Variants in PPP2R5E observed in about 807,000 individuals in gnomAD.
PPP2R5E encodes the protein serine/threonine-protein phosphatase 2A 56 kDa regulatory subunit epsilon isoform.
Under a neutral mutation model 65.3 loss-of-function variants are expected in PPP2R5E, and 4 were observed. That is an observed-to-expected ratio of 0.06 (90% CI 0.03 to 0.14). PPP2R5E has a LOEUF of 0.14. Ranked by LOEUF, PPP2R5E falls within the 10% of genes least tolerant of loss-of-function variation. The pLI is 1.00. For synonymous variants in PPP2R5E, 183 were observed against 187.4 expected, an observed-to-expected ratio of 0.98 and a Z score of 0.19; for missense variants, 274 against 556.1, an observed-to-expected ratio of 0.49 and a Z score of 5.10.
At chr14:63,503,285 T>C (rs953978359) in intron 2 of PPP2R5E, among the ~76,000 whole-genome samples, 2 of 151,992 alleles carry the variant, frequency 1.3e-5, no homozygotes, top group Non-Finnish European at 2.9e-5. Context: ...CGAATTTCCA[T>C]CTTAGGAGGA....
chr14:63,470,521 C>G (rs1350712160), intron 2 of PPP2R5E, among the ~76,000 whole-genome samples: 1 of 150,564 alleles, frequency 6.6e-6, no homozygotes, highest in Middle Eastern at 3.5e-3. Flanking sequence ...ATCCTGTCTA[C>G]TAAAGGGTTA....
intron 3 of PPP2R5E, among the ~76,000 whole-genome samples, chr14:63,440,496 G>C (rs1014681287): frequency 6.6e-6 from 1 of 151,886 alleles, no homozygotes; most frequent in Non-Finnish European, 1.5e-5. Context: ...ATACAGGGAA[G>C]GGCTTAAATC....
intron 2 of PPP2R5E, among the ~76,000 whole-genome samples, chr14:63,488,456 G>A (rs1437016349): frequency 1.3e-5 from 2 of 151,954 alleles, no homozygotes; most frequent in African/African-American, 4.8e-5. Flanking sequence ...TCCCACTTTG[G>A]CCTCCCAAAG....
chr14:63,489,216 T>G (rs967579659), intron 2 of PPP2R5E, among the ~76,000 whole-genome samples: 1 of 152,008 alleles, frequency 6.6e-6, no homozygotes, highest in African/African-American at 2.4e-5. Flanking sequence ...AAAAATAGTA[T>G]AGGCTCACCA....
At chr14:63,491,405 T>C (rs1891279280) in intron 2 of PPP2R5E, among the ~76,000 whole-genome samples, 1 of 152,104 alleles carries the variant, frequency 6.6e-6, no homozygotes, top group African/African-American at 2.4e-5. Context: ...GACCAGTCCT[T>C]ATTGAGATAT....
intron 11 of PPP2R5E, among the ~76,000 whole-genome samples, chr14:63,388,052 A>C (rs3825649): frequency 0.15 from 22,973 of 151,906 alleles, 2,435 homozygotes; most frequent in East Asian, 0.48. Context: ...CCAAGCTGAC[A>C]AAGACATGGC....
chr14:63,472,226 G>A (rs1352877249), intron 2 of PPP2R5E, among the ~76,000 whole-genome samples: 1 of 152,188 alleles, frequency 6.6e-6, no homozygotes, highest in Non-Finnish European at 1.5e-5. Context: ...GCTGAACCCA[G>A]GAGGCGGAGG....
At chr14:63,520,604 C>A (rs1291747595) in intron 2 of PPP2R5E, among the ~76,000 whole-genome samples, 3 of 152,092 alleles carry the variant, frequency 2.0e-5, no homozygotes, top group Non-Finnish European at 2.9e-5. Flanking sequence ...ATGGACTGAA[C>A]TGCATAGCCC....
chr14:63,466,249 TA>T (rs56726365), intron 2 of PPP2R5E, among the ~76,000 whole-genome samples: 300 of 93,018 alleles, frequency 3.2e-3, no homozygotes, highest in East Asian at 9.2e-3. Context: ...TCATGAAACT[TA>T]AAAAAAAAAA....
intron 11 of PPP2R5E, among the ~76,000 whole-genome samples, chr14:63,386,339 C>T (rs938532179): frequency 2.2e-4 from 33 of 152,178 alleles, no homozygotes; most frequent in Admixed American, 1.2e-3. Flanking sequence ...AGAGTTGGTA[C>T]CATTACTTTT....
chr14:63,539,644 T>C lies in PPP2R5E; in HGVS notation c.42A>G (p.Val14=), dbSNP rs750118492. The change falls in exon 2 of 14, where the codon GTA becomes GTG. Residue 14 remains valine, a synonymous_variant. Transcript: ENST00000337537. ...APTTPPSVDK[V]DGFSRKSVRK... The stretch of plus-strand genomic sequence containing the variant: ...TGACGGACTTCCGAGAAAATCCGTC[T>C]ACTTTATCCACTGATGGAGGAGTAG... The C allele has an allele frequency of 3.0e-5, 49 of 1,613,934 alleles. No individual in the cohort carries two copies. Among genetic ancestry groups the C allele is most frequent in the Non-Finnish European group, 3.5e-5 (41 of 1,179,942 alleles).
chr14:63,424,818 G>A (rs1887244771), intron 3 of PPP2R5E, among the ~76,000 whole-genome samples: 1 of 151,900 alleles, frequency 6.6e-6, no homozygotes, highest in Non-Finnish European at 1.5e-5. Context: ...AGAAAAAGAA[G>A]AGCAAATGAA....
intron 2 of PPP2R5E, among the ~76,000 whole-genome samples, chr14:63,476,553 C>T (rs1233290999): frequency 1.3e-5 from 2 of 152,156 alleles, no homozygotes; most frequent in Non-Finnish European, 2.9e-5. Context: ...CCTGCTCAAT[C>T]AGTTCAAATA....
intron 13 of PPP2R5E, among the ~76,000 whole-genome samples, chr14:63,377,001 C>T (rs1393167773): frequency 2.0e-5 from 3 of 151,932 alleles, no homozygotes; most frequent in African/African-American, 4.8e-5. Flanking sequence ...GGCATGGTGG[C>T]GTATGCCTAG....
chr14:63,535,118 C>T (rs1041357451), intron 2 of PPP2R5E, among the ~76,000 whole-genome samples: 1 of 152,108 alleles, frequency 6.6e-6, no homozygotes, highest in African/African-American at 2.4e-5. Flanking sequence ...TTCAAAACCC[C>T]ACCTATTAGA....
chr14:63,473,848 T>C (rs886206102), intron 2 of PPP2R5E, among the ~76,000 whole-genome samples: 1 of 151,964 alleles, frequency 6.6e-6, no homozygotes, highest in Non-Finnish European at 1.5e-5. Flanking sequence ...GTCAGAAAAA[T>C]TGCAATAGAA....
intron 2 of PPP2R5E, among the ~76,000 whole-genome samples, chr14:63,469,497 C>G: frequency 6.6e-6 from 1 of 152,160 alleles, no homozygotes; most frequent in Non-Finnish European, 1.5e-5. Flanking sequence ...TCAAGACCAT[C>G]CTGGCTAACA....
chr14:63,384,789 G>A (rs1355341770), intron 11 of PPP2R5E, among the ~76,000 whole-genome samples: 3 of 151,920 alleles, frequency 2.0e-5, no homozygotes, highest in Admixed American at 6.6e-5. Flanking sequence ...TCCGCCTCTC[G>A]GGTTCAAGCG....
intron 2 of PPP2R5E, among the ~76,000 whole-genome samples, chr14:63,501,086 G>C (rs1891853367): frequency 2.0e-5 from 3 of 152,164 alleles, no homozygotes; most frequent in African/African-American, 7.2e-5. Flanking sequence ...GTAAGAGGGA[G>C]AGCCAGGATC....
Sources: gnomAD v4.1 joint callset for allele counts (sites outside exome capture counted in the v4.1 genomes callset) on GRCh38, gnomAD v4.1.1 for gene constraint, MANE v1.5 for transcripts, NCBI Gene and HGNC (gene_info 2026-07-23, HGNC 2026-07-21) for gene names.